The following PRKCH variants were observed in gnomAD, a reference collection of about 807,000 sequenced individuals.
PRKCH encodes protein kinase C eta type.
PRKCH carries 28 observed loss-of-function variants against 82.5 expected under a neutral mutation model. The ratio of observed to expected loss-of-function variants is 0.34; its 90% CI spans 0.25 to 0.47. The LOEUF (loss-of-function observed/expected upper bound fraction) is 0.47, where lower values mean the gene tolerates loss of function less well. Among genes scored for constraint, PRKCH ranks in the 20% least tolerant of loss-of-function variants. PRKCH has a pLI of 1.00. For synonymous variants in PRKCH, 322 were observed against 327.4 expected (o/e 0.98, Z 0.18); for missense variants, 705 against 881.8 (o/e 0.80, Z 2.54).
chr14:61,440,661 G>T (rs1009837979), intron 2 of PRKCH, among the ~76,000 whole-genome samples: 1 of 152,116 alleles, frequency 6.6e-6, no homozygotes, highest in African/African-American at 2.4e-5. Context: ...GGATCACAAG[G>T]TCAAGAGATC....
At chr14:61,534,859 A>G (rs1028953000) in intron 12 of PRKCH, among the ~76,000 whole-genome samples, 19 of 152,190 alleles carry the variant, frequency 1.2e-4, no homozygotes, top group Admixed American at 5.9e-4. Context: ...GGCAGTATAC[A>G]TGAAAGTGTT....
At chr14:61,310,762 G>C (rs142512010) in intron 1 of PRKCH, among the ~76,000 whole-genome samples, 6 of 152,378 alleles carry the variant, frequency 3.9e-5, no homozygotes, top group African/African-American at 1.2e-4. Context: ...CAGTGCCCTA[G>C]CAGAGGTTCT....
Position 61,454,395 on chromosome 14 carries a change from G to A in PRKCH, c.960+1042G>A, listed in dbSNP as rs140325625. Among the ~76,000 whole-genome samples, 4 of 152,086 alleles carry A rather than the reference G, an allele frequency of 2.6e-5. No individual in the cohort carries two copies. The East Asian group carries it at 7.7e-4, about 29-fold the overall frequency. ...TGGAATTACAGGCATGAGCTGCCACGCCCAGCCTTTCTTTTCTGTTTTAAA... is the reference window on the plus strand; with the variant it reads ...TGGAATTACAGGCATGAGCTGCCACACCCAGCCTTTCTTTTCTGTTTTAAA... On this transcript the variant is annotated intron_variant, in intron 7 of 13. Coordinates refer to ENST00000332981, the MANE Select transcript of PRKCH (RefSeq NM_006255.5).
intron 1 of PRKCH, among the ~76,000 whole-genome samples, chr14:61,199,457 T>G (rs1318847895): frequency 2.0e-5 from 3 of 152,230 alleles, no homozygotes; most frequent in Non-Finnish European, 4.4e-5. Context: ...TTTCAGCATT[T>G]CTCTTCTGTT....
At chr14:61,253,915 G>A (rs965100044) in intron 1 of PRKCH, among the ~76,000 whole-genome samples, 3 of 151,292 alleles carry the variant, frequency 2.0e-5, no homozygotes, top group Non-Finnish European at 4.4e-5. Context: ...AATTATTAAA[G>A]GTGAGGTAAA....
chr14:61,262,645 A>G (rs1247154264), intron 1 of PRKCH, among the ~76,000 whole-genome samples: 1 of 152,194 alleles, frequency 6.6e-6, no homozygotes, highest in Non-Finnish European at 1.5e-5. Context: ...GACAAAATGC[A>G]TGGAGCTGAA....
intron 2 of PRKCH, among the ~76,000 whole-genome samples, chr14:61,404,361 G>T (rs117122305): frequency 0.014 from 2,107 of 152,298 alleles, 34 homozygotes; most frequent in South Asian, 0.048. Context: ...GAGAAAATCA[G>T]TTGCCTCCTC....
rs531536845 is a variant in PRKCH, at chr14:61,344,848, G to A, written c.363+22384G>A. Among the ~76,000 whole-genome samples, 78 of 152,144 alleles carry A rather than the reference G, an allele frequency of 5.1e-4. 1 individual carries two copies. The highest frequency in any genetic ancestry group is 9.8e-4 in the Non-Finnish European group (67 of 68,034). Reference sequence around the variant, plus strand: ...CCTTAAAGCTTGAAGAACCTTAAAGGTCATCTGGAACAAAAGATTTATTTA... The same window carrying A: ...CCTTAAAGCTTGAAGAACCTTAAAGATCATCTGGAACAAAAGATTTATTTA... On this transcript the variant is annotated intron_variant, in intron 1 of 13. Transcript: ENST00000332981.
chr14:61,369,326 A>G (rs1213821505), intron 1 of PRKCH, among the ~76,000 whole-genome samples: 2 of 152,086 alleles, frequency 1.3e-5, no homozygotes, highest in Non-Finnish European at 2.9e-5. Context: ...CTTGGGGATC[A>G]CACTTTGAGA....
chr14:61,481,084 T>C (rs1175793604), intron 9 of PRKCH, among the ~76,000 whole-genome samples: 1 of 152,138 alleles, frequency 6.6e-6, no homozygotes, highest in Non-Finnish European at 1.5e-5. Context: ...TCTGTACCTC[T>C]CCACTGCACT....
intron 1 of PRKCH, among the ~76,000 whole-genome samples, chr14:61,336,130 C>T (rs927432744): frequency 6.6e-6 from 1 of 152,168 alleles, no homozygotes; most frequent in Non-Finnish European, 1.5e-5. Flanking sequence ...CTTTCATTAC[C>T]ACCACTCTAC....
intron 1 of PRKCH, among the ~76,000 whole-genome samples, chr14:61,230,432 A>C (rs533983180): frequency 1.3e-5 from 2 of 152,238 alleles, no homozygotes; most frequent in South Asian, 4.2e-4. Flanking sequence ...CCAACTCCTT[A>C]CCTTTGATTT....
At chr14:61,201,254 C>T (rs1343842089) in intron 1 of PRKCH, among the ~76,000 whole-genome samples, 1 of 152,118 alleles carries the variant, frequency 6.6e-6, no homozygotes, top group Non-Finnish European at 1.5e-5. Context: ...ATTATTTAAT[C>T]TTCAAACAAT....
intron 10 of PRKCH, among the ~76,000 whole-genome samples, chr14:61,509,450 A>G (rs554413379): frequency 2.0e-5 from 3 of 152,252 alleles, no homozygotes; most frequent in Admixed American, 2.0e-4. Context: ...TCTGAAGATC[A>G]AAAGATAAAT....
chr14:61,462,006 T>G (rs1885050099), intron 9 of PRKCH, among the ~76,000 whole-genome samples: 2 of 152,188 alleles, frequency 1.3e-5, no homozygotes, highest in African/African-American at 4.8e-5. Context: ...GGAACTGCCA[T>G]TGCGGTTTAA....
intron 2 of PRKCH, among the ~76,000 whole-genome samples, chr14:61,438,883 A>G (rs1197419383): frequency 6.6e-6 from 1 of 152,242 alleles, no homozygotes; most frequent in Non-Finnish European, 1.5e-5. Flanking sequence ...ATTATATTTG[A>G]CATAATTACT....
intron 2 of PRKCH, among the ~76,000 whole-genome samples, chr14:61,430,816 G>C (rs1017355927): frequency 2.6e-4 from 40 of 151,100 alleles, no homozygotes; most frequent in African/African-American, 9.5e-4. Context: ...ATGCGGTGTC[G>C]TGATCTCAGC....
intron 2 of PRKCH, 57 bp downstream of exon 2, chr14:61,391,345 T>G (rs2046678973): frequency 7.3e-7 from 1 of 1,368,930 alleles, no homozygotes; most frequent in South Asian, 1.3e-5. Context: ...TTACACTCAG[T>G]AGGAATTTCT....
At chr14:61,313,949 G>T (rs1314029371) in intron 1 of PRKCH, among the ~76,000 whole-genome samples, 1 of 152,198 alleles carries the variant, frequency 6.6e-6, no homozygotes, top group Non-Finnish European at 1.5e-5. Flanking sequence ...CTCCTGAGTA[G>T]CTGGGACCAT....
Sources: allele counts gnomAD v4.1 joint callset (sites outside exome capture counted in the v4.1 genomes callset), GRCh38; gene constraint gnomAD v4.1.1; transcripts MANE v1.5; gene names NCBI Gene and HGNC (gene_info 2026-07-23, HGNC 2026-07-21).